NOX4: variants seen among roughly 807,000 people sequenced by gnomAD.
The protein encoded by NOX4 is NADPH oxidase 4.
NOX4 carries 69 observed loss-of-function variants against 87.6 expected under a neutral mutation model. The observed-to-expected ratio is 0.79, with a 90% CI of 0.65 to 0.96. The LOEUF (loss-of-function observed/expected upper bound fraction) is 0.96, where lower values mean the gene tolerates loss of function less well. Ranked by LOEUF, NOX4 falls within the 40% of genes least tolerant of loss-of-function variation. The probability of loss-of-function intolerance (pLI) is 0.00; values close to 1 mark genes in which losing one functional copy is unlikely to be tolerated. For missense variants in NOX4, 680 were observed against 681.5 expected, an observed-to-expected ratio of 1.00 and a Z score of 0.02; for synonymous variants, 275 against 238.2, an observed-to-expected ratio of 1.15 and a Z score of -1.42.
intron 2 of NOX4, chr11:89,489,070 A>G: frequency 1.4e-6 from 1 of 692,822 alleles, no homozygotes; most frequent in South Asian, 1.5e-5. Flanking sequence ...ATTGGCTTAA[A>G]ACCTAGAAGT....
Position 89,491,354 on chromosome 11 carries a change from G to T in NOX4, c.-108C>A. ...GCGGCCTGCCGGGCCGCTGAGCGAG[G>T]ACCGAGGGTCAAAGACTGAGTGGAA... On this transcript the variant is annotated 5_prime_UTR_variant, in exon 1 of 18. Coordinates refer to ENST00000263317, the MANE Select transcript of NOX4 (RefSeq NM_016931.5). 1 of 1,049,324 alleles carries T rather than the reference G, an allele frequency of 9.5e-7. No homozygotes were observed. The highest frequency in any genetic ancestry group is 1.6e-5 in the South Asian group (1 of 60,746). The allele number at this position is 1,049,324 out of a possible 1,614,324, so 65.0% of individuals were successfully genotyped here. A position where few individuals can be genotyped will look rare whatever the true frequency, so the allele number is the denominator to read the frequency against.
In NOX4 at chr11:89,479,919, T is replaced by C. The variant is rs527804435; in HGVS notation, c.153+10539A>G. ...TGTAATTTGCTCTTTCAGTCATCCC[T>C]TGGCATATGTGGGGGATTGGTTCCA... is the stretch of plus-strand genomic sequence containing the variant. On this transcript the variant is annotated intron_variant, in intron 2 of 17. Transcript: ENST00000263317. 3.3e-3 allele frequency among the ~76,000 whole-genome samples: 505 copies of C among 152,262 alleles called. 2 individuals are homozygous for C. Among genetic ancestry groups the C allele is most frequent in the African/African-American group, 0.011 (473 of 41,572 alleles).
chr11:89,524,535 T>C, the NOX4 span, among the ~76,000 whole-genome samples: 1 of 152,112 alleles, frequency 6.6e-6, no homozygotes, highest in African/African-American at 2.4e-5. Flanking sequence ...TTCATACTCC[T>C]ATGTAAGATT....
At chr11:89,370,101 G>A (rs1179262781) in intron 12 of NOX4, among the ~76,000 whole-genome samples, 1 of 151,828 alleles carries the variant, frequency 6.6e-6, no homozygotes, top group East Asian at 1.9e-4. Context: ...AAGATTACTT[G>A]CACTGTGAGA....
chr11:89,453,951 C>T (rs1211467454), intron 2 of NOX4, among the ~76,000 whole-genome samples: 3 of 152,162 alleles, frequency 2.0e-5, no homozygotes, highest in East Asian at 1.9e-4. Flanking sequence ...TTTAGACAAC[C>T]ACCCTAGATA....
At chr11:89,448,273 A>G (rs1944795776) in intron 4 of NOX4, among the ~76,000 whole-genome samples, 2 of 152,134 alleles carry the variant, frequency 1.3e-5, no homozygotes, top group African/African-American at 2.4e-5. Context: ...ATCACACATT[A>G]AAACAGAAGG....
In NOX4 at chr11:89,483,312, A is replaced by G. The variant is rs191594245; in HGVS notation, c.153+7146T>C. On this transcript the variant is annotated intron_variant, in intron 2 of 17. Transcript: ENST00000263317. Reference sequence around the variant, plus strand: ...TGATTCAACCTAATATTAATGTTGCAAAGAAACAACAGAGCACAATGGCTC... The same window carrying G: ...TGATTCAACCTAATATTAATGTTGCGAAGAAACAACAGAGCACAATGGCTC... Among the ~76,000 whole-genome samples the G allele has an allele frequency of 3.9e-4, 59 of 152,188 alleles. 2 individuals carry two copies. In the East Asian group the frequency reaches 0.01, roughly 27 times the overall value.
chr11:89,378,912 T>C (rs1280880100), intron 11 of NOX4, among the ~76,000 whole-genome samples: 1 of 152,150 alleles, frequency 6.6e-6, no homozygotes, highest in Non-Finnish European at 1.5e-5. Flanking sequence ...AGTAAACATT[T>C]TGACAAATTA....
chr11:89,475,690 A>G (rs1398749940), intron 2 of NOX4, among the ~76,000 whole-genome samples: 1 of 152,082 alleles, frequency 6.6e-6, no homozygotes, highest in African/African-American at 2.4e-5. Context: ...ATACAATAGA[A>G]TAGGAACAGG....
chr11:89,453,195 ACT>A (rs1030888857), intron 2 of NOX4, among the ~76,000 whole-genome samples: 1 of 151,898 alleles, frequency 6.6e-6, no homozygotes, highest in African/African-American at 2.4e-5. Flanking sequence ...AACTTTGTAC[ACT>A]CTGTCCACTC....
intron 8 of NOX4, among the ~76,000 whole-genome samples, chr11:89,409,389 G>A (rs1233943331): frequency 2.0e-5 from 3 of 152,058 alleles, no homozygotes; most frequent in Non-Finnish European, 4.4e-5. Flanking sequence ...AAATAAACTC[G>A]CAGTTTGGAA....
At chr11:89,511,140 C>T in the NOX4 span, among the ~76,000 whole-genome samples, 2 of 151,882 alleles carry the variant, frequency 1.3e-5, no homozygotes, top group African/African-American at 4.8e-5. Flanking sequence ...ATTAATATTA[C>T]ATTTATGGAG....
At chr11:89,574,688 T>C in the NOX4 span, among the ~76,000 whole-genome samples, 1 of 152,182 alleles carries the variant, frequency 6.6e-6, no homozygotes, top group African/African-American at 2.4e-5. Flanking sequence ...GCGTGGCACT[T>C]AGTAGGCAAA....
rs776288475 is a variant in NOX4 at position 89,449,543 on chromosome 11, A to G, written c.265-19T>C. ...TTGGAACCTAAACAAAAATCATTTA[A>G]TATGGTAAAAATAATGCAACAAATG... On this transcript the variant is annotated intron_variant, in intron 3 of 17. Coordinates refer to ENST00000263317, the MANE Select transcript of NOX4 (RefSeq NM_016931.5). 13 of 1,581,080 alleles carry G rather than the reference A, an allele frequency of 8.2e-6. No homozygotes were observed. In the South Asian group the frequency reaches 1.0e-4, roughly 12 times the overall value.
intron 13 of NOX4, among the ~76,000 whole-genome samples, chr11:89,350,810 A>G (rs1359630033): frequency 4.6e-5 from 7 of 152,164 alleles, no homozygotes. Context: ...GTGTGTTCTG[A>G]CTGCAACTAC....
chr11:89,463,701 A>C (rs1945563927), intron 2 of NOX4, among the ~76,000 whole-genome samples: 1 of 146,748 alleles, frequency 6.8e-6, no homozygotes, highest in African/African-American at 2.7e-5. Context: ...AAAAGCAATT[A>C]ATATGTCCAG....
chr11:89,428,479 A>C (rs868094026), intron 7 of NOX4, among the ~76,000 whole-genome samples: 46 of 94,342 alleles, frequency 4.9e-4, no homozygotes, highest in African/African-American at 3.4e-3. Context: ...CCCATCTCAC[A>C]TGCAGACACA....
At chr11:89,455,744 A>ATATATATATATATATATATGTG (rs1163284365) in intron 2 of NOX4, among the ~76,000 whole-genome samples, 5 of 146,896 alleles carry the variant, frequency 3.4e-5, no homozygotes, top group African/African-American at 1.3e-4. Flanking sequence ...ATATATATAT[A>ATATATATATATATATATATGTG]TGAAACAAAA....
intron 2 of NOX4, among the ~76,000 whole-genome samples, chr11:89,466,724 G>T (rs76987014): frequency 6.6e-6 from 1 of 152,146 alleles, no homozygotes; most frequent in Non-Finnish European, 1.5e-5. Flanking sequence ...AATACAATTT[G>T]TAACAGTGAT....
Sources: allele counts gnomAD v4.1 joint callset (sites outside exome capture counted in the v4.1 genomes callset), GRCh38; gene constraint gnomAD v4.1.1; transcripts MANE v1.5; gene names NCBI Gene and HGNC (gene_info 2026-07-23, HGNC 2026-07-21).